The following DCLK1 variants were observed in gnomAD, a reference collection of about 807,000 sequenced individuals.
DCLK1 encodes serine/threonine-protein kinase DCLK1.
A neutral mutation model predicts 86.2 loss-of-function variants in DCLK1; 16 were observed. The observed-to-expected ratio is 0.19, with a 90% CI of 0.13 to 0.28. The LOEUF is 0.28. Ranked by LOEUF, DCLK1 falls within the 10% of genes least tolerant of loss-of-function variation. The pLI is 1.00. For synonymous variants in DCLK1, 369 were observed against 370.5 expected, an observed-to-expected ratio of 1.00 and a Z score of 0.05; for missense variants, 590 against 940.2, an observed-to-expected ratio of 0.63 and a Z score of 4.87.
At chr13:35,934,900 TA>T (rs546962417) in intron 4 of DCLK1, among the ~76,000 whole-genome samples, 2 of 151,606 alleles carry the variant, frequency 1.3e-5, no homozygotes, top group East Asian at 1.9e-4. Flanking sequence ...AGATGCATTT[TA>T]AAAAAAAATC....
intron 4 of DCLK1, among the ~76,000 whole-genome samples, chr13:35,878,270 C>T (rs574744273): frequency 3.3e-5 from 5 of 152,292 alleles, no homozygotes; most frequent in Non-Finnish European, 5.9e-5. Context: ...AGCAGCATTA[C>T]AGGAAAATCC....
In DCLK1 at chr13:36,106,551, T is replaced by C. The variant is rs181255298; in HGVS notation, c.723+5318A>G. On this transcript the variant is annotated intron_variant, in intron 3 of 16. Coordinates refer to ENST00000360631, the MANE Select transcript of DCLK1 (RefSeq NM_001330071.2). ...AATCGCAAACAAAACTAAAAAGTATTACATTCCCTTTTGCTACATAGGTAG... is the reference window on the plus strand; with the variant it reads ...AATCGCAAACAAAACTAAAAAGTATCACATTCCCTTTTGCTACATAGGTAG... Among the ~76,000 whole-genome samples, 201 of 152,322 alleles carry C rather than the reference T, an allele frequency of 1.3e-3. 2 individuals carry two copies. Among genetic ancestry groups the C allele is most frequent in the African/African-American group, 4.5e-3 (189 of 41,576 alleles).
At chr13:35,791,312 C>T (rs2153099240) in intron 16 of DCLK1, among the ~76,000 whole-genome samples, 1 of 150,464 alleles carries the variant, frequency 6.6e-6, no homozygotes, top group Non-Finnish European at 1.5e-5. Flanking sequence ...AAAGATTAAA[C>T]AAGCATGCAA....
intron 3 of DCLK1, among the ~76,000 whole-genome samples, chr13:36,086,526 A>C (rs1566675424): frequency 6.7e-6 from 1 of 150,338 alleles, no homozygotes; most frequent in African/African-American, 2.5e-5. Context: ...ACATAGGTAT[A>C]CATGTGCCAT....
chr13:35,971,019 A>G (rs1879035124), intron 3 of DCLK1, among the ~76,000 whole-genome samples: 1 of 152,202 alleles, frequency 6.6e-6, no homozygotes, highest in Non-Finnish European at 1.5e-5. Flanking sequence ...CAAATTTGTT[A>G]GGGTAACATA....
chr13:35,818,179 G>A (rs1566548606), intron 11 of DCLK1, among the ~76,000 whole-genome samples: 1 of 152,084 alleles, frequency 6.6e-6, no homozygotes, highest in Admixed American at 6.6e-5. Context: ...TTTTGTCCAT[G>A]ACCTCTAGAC....
chr13:35,999,224 C>T (rs1187365305), intron 3 of DCLK1, among the ~76,000 whole-genome samples: 1 of 151,618 alleles, frequency 6.6e-6, no homozygotes, highest in Non-Finnish European at 1.5e-5. Context: ...CACTGCACTC[C>T]AGCCTGGGCA....
chr13:36,131,539 C>T (rs941527135), upstream of DCLK1, among the ~76,000 whole-genome samples: 6 of 152,162 alleles, frequency 3.9e-5, no homozygotes, highest in African/African-American at 1.2e-4. Context: ...CCTCCTCCCT[C>T]CCAGCGCCCT....
chr13:36,063,455 G>T (rs902270797), intron 3 of DCLK1, among the ~76,000 whole-genome samples: 1 of 151,932 alleles, frequency 6.6e-6, no homozygotes, highest in Non-Finnish European at 1.5e-5. Context: ...AAATATATAA[G>T]AGAAAAAAAT....
rs9602126 is a variant in DCLK1 at position 36,086,088 on chromosome 13, T to C, written c.723+25781A>G. Among the ~76,000 whole-genome samples the C allele has an allele frequency of 3.3e-3, 497 of 152,330 alleles. 3 individuals carry two copies. Among genetic ancestry groups the C allele is most frequent in the African/African-American group, 0.011 (467 of 41,568 alleles). On this transcript the variant is annotated intron_variant, in intron 3 of 16. Transcript: ENST00000360631. ...ATCTGCATGAGATATAAAAGGTTCA[T>C]CCTTCCTTGGCTACATTTAGACCCT...
chr13:35,865,609 C>T (rs1250029919), intron 5 of DCLK1, among the ~76,000 whole-genome samples: 1 of 152,186 alleles, frequency 6.6e-6, no homozygotes, highest in Non-Finnish European at 1.5e-5. Flanking sequence ...GACTCCTATG[C>T]TTCTTGAGAA....
intron 3 of DCLK1, among the ~76,000 whole-genome samples, chr13:36,058,733 T>C (rs1468462026): frequency 6.6e-6 from 1 of 152,170 alleles, no homozygotes; most frequent in Non-Finnish European, 1.5e-5. Flanking sequence ...CCCCCACTGA[T>C]ATGGAAGGCC....
chr13:36,044,745 G>A (rs1437287559), intron 3 of DCLK1, among the ~76,000 whole-genome samples: 1 of 152,060 alleles, frequency 6.6e-6, no homozygotes, highest in African/African-American at 2.4e-5. Context: ...GTGACAGAGG[G>A]AAATTGAGAA....
chr13:35,821,684 A>G (rs954183543), intron 11 of DCLK1, among the ~76,000 whole-genome samples: 4 of 148,276 alleles, frequency 2.7e-5, no homozygotes, highest in Non-Finnish European at 4.4e-5. Flanking sequence ...ATATATATAT[A>G]TATATATGCA....
At chr13:35,880,906 G>T (rs1337199442) in intron 4 of DCLK1, among the ~76,000 whole-genome samples, 2 of 152,186 alleles carry the variant, frequency 1.3e-5, no homozygotes, top group Non-Finnish European at 2.9e-5. Flanking sequence ...TTCAGTGAGA[G>T]ATTTGAATAA....
intron 3 of DCLK1, among the ~76,000 whole-genome samples, chr13:35,957,684 G>A (rs931552312): frequency 2.0e-5 from 3 of 152,126 alleles, no homozygotes; most frequent in Admixed American, 6.6e-5. Flanking sequence ...AGCCATGGAA[G>A]TATGCTTTTG....
At chr13:35,914,687 G>C (rs922923650) in intron 4 of DCLK1, among the ~76,000 whole-genome samples, 6 of 150,670 alleles carry the variant, frequency 4.0e-5, no homozygotes, top group Non-Finnish European at 8.8e-5. Flanking sequence ...CTGCACTCCA[G>C]CCTGGGTGGC....
At chr13:35,838,737 C>T (rs1181297903) in intron 7 of DCLK1, among the ~76,000 whole-genome samples, 1 of 152,142 alleles carries the variant, frequency 6.6e-6, no homozygotes, top group African/African-American at 2.4e-5. Context: ...TAAATTTGGC[C>T]TTTGTTCACT....
At chr13:35,883,425 T>C (rs1873037025) in intron 4 of DCLK1, among the ~76,000 whole-genome samples, 1 of 152,162 alleles carries the variant, frequency 6.6e-6, no homozygotes, top group Non-Finnish European at 1.5e-5. Flanking sequence ...CTCCATGTGA[T>C]CTCTGCACAT....
Sources: allele counts gnomAD v4.1 joint callset (sites outside exome capture counted in the v4.1 genomes callset), GRCh38; gene constraint gnomAD v4.1.1; transcripts MANE v1.5; gene names NCBI Gene and HGNC (gene_info 2026-07-23, HGNC 2026-07-21).